The following SLC22A23 variants were observed in gnomAD, a reference collection of about 807,000 sequenced individuals.
SLC22A23 encodes the protein ion transporter protein.
SLC22A23 carries 26 observed loss-of-function variants against 61.0 expected under a neutral mutation model. The observed-to-expected ratio is 0.43, with a 90% CI of 0.31 to 0.59. SLC22A23 has a LOEUF of 0.59. Among genes scored for constraint, SLC22A23 ranks in the 20% least tolerant of loss-of-function variants. SLC22A23 has a pLI of 0.11. For synonymous variants in SLC22A23, 430 were observed against 413.9 expected (o/e 1.04, Z -0.47); for missense variants, 796 against 934.7 (o/e 0.85, Z 1.94).
At chr6:3,302,322 GTCTTTT>G (rs1761671482) in intron 4 of SLC22A23, among the ~76,000 whole-genome samples, 1 of 151,928 alleles carries the variant, frequency 6.6e-6, no homozygotes, top group Admixed American at 6.6e-5. Context: ...GGTCTTCTCT[GTCTTTT>G]TCTTAGTCTA....
chr6:3,352,901 GC>G (rs940499022), intron 3 of SLC22A23, among the ~76,000 whole-genome samples: 4 of 152,070 alleles, frequency 2.6e-5, no homozygotes, highest in African/African-American at 4.8e-5. Flanking sequence ...AAGATCAGTC[GC>G]CCCCGTGACC....
chr6:3,395,275 A>G (rs1042324011), intron 3 of SLC22A23, among the ~76,000 whole-genome samples: 3 of 152,210 alleles, frequency 2.0e-5, no homozygotes, highest in African/African-American at 7.2e-5. Flanking sequence ...CAAAGGCCAC[A>G]TGTCACCATG....
In SLC22A23 at chr6:3,456,003, G is replaced by T. The variant is rs1415242358; in HGVS notation, c.557C>A (p.Pro186Gln). Residue 186 changes from proline to glutamine, a missense_variant, in exon 1 of 10, where the codon CCA becomes CAA. Physicochemically the swap from Pro to Gln is moderately conservative, Grantham distance 76 (BLOSUM62 -1). Coordinates refer to ENST00000406686, the MANE Select transcript of SLC22A23 (RefSeq NM_015482.2). This position sits in a 1 kb window ranked among gnomAD's most constrained non-coding sequence, Gnocchi z 7.1. ...GTTGTCCCCCTTGTCCGGAGGGGATGGCAGGGGTGGTGTGTCGCCTCCGTC... is the reference window on the plus strand; with the variant it reads ...GTTGTCCCCCTTGTCCGGAGGGGATTGCAGGGGTGGTGTGTCGCCTCCGTC... ...GADGGDTPPL[P>Q]SPPDKGDNAS... 9 of 1,547,152 alleles carry T rather than the reference G, an allele frequency of 5.8e-6. No homozygotes were observed. The Admixed American group carries it at 1.6e-4, about 27-fold the overall frequency.
intron 9 of SLC22A23, among the ~76,000 whole-genome samples, chr6:3,279,537 T>A (rs1160041048): frequency 0.01 from 380 of 37,318 alleles, no homozygotes; most frequent in Non-Finnish European, 0.024. Context: ...AAAAAAAAAA[T>A]CCTTGACATC....
intron 1 of SLC22A23, among the ~76,000 whole-genome samples, chr6:3,421,352 C>G (rs1383839842): frequency 6.6e-6 from 1 of 152,158 alleles, no homozygotes; most frequent in Non-Finnish European, 1.5e-5. Context: ...GAGACACCCA[C>G]AGAGGTCTCT....
At chr6:3,290,037 A>T in intron 5 of SLC22A23, 171 bp from the exon 6 acceptor site, 1 of 647,464 alleles carries the variant, frequency 1.5e-6, no homozygotes, top group Admixed American at 2.7e-5. Flanking sequence ...CAGGATAGAA[A>T]GGCACTCATA....
At chr6:3,366,507 C>T (rs1344904890) in intron 3 of SLC22A23, among the ~76,000 whole-genome samples, 2 of 151,994 alleles carry the variant, frequency 1.3e-5, no homozygotes, top group Non-Finnish European at 2.9e-5. Context: ...TGGGTTAATA[C>T]AAGCTCAGTC....
At chr6:3,455,262 A>G (rs1772337599) in intron 1 of SLC22A23, among the ~76,000 whole-genome samples, 1 of 152,210 alleles carries the variant, frequency 6.6e-6, no homozygotes, top group South Asian at 2.1e-4. Context: ...CTGCTGTGTA[A>G]GAGCGGTGAC....
At chr6:3,395,745 A>G (rs1041172557) in intron 3 of SLC22A23, among the ~76,000 whole-genome samples, 7 of 152,210 alleles carry the variant, frequency 4.6e-5, no homozygotes, top group Non-Finnish European at 1.0e-4. Flanking sequence ...TACTGGCATT[A>G]CTCAAGTCAA....
At chr6:3,281,685 C>T (rs1341085742) in intron 9 of SLC22A23, among the ~76,000 whole-genome samples, 3 of 152,070 alleles carry the variant, frequency 2.0e-5, no homozygotes, top group African/African-American at 7.2e-5. Flanking sequence ...CTACTTCCAT[C>T]CTAGGGCCTC....
intron 3 of SLC22A23, among the ~76,000 whole-genome samples, chr6:3,400,657 T>G (rs980074251): frequency 2.6e-5 from 4 of 152,222 alleles, no homozygotes; most frequent in African/African-American, 9.6e-5. Context: ...AGTGGGGGGC[T>G]TGGCTTCCAA....
intron 9 of SLC22A23, 126 bp from the exon 10 acceptor site, chr6:3,273,538 C>G: frequency 1.0e-6 from 1 of 977,982 alleles, no homozygotes; most frequent in African/African-American, 1.6e-5. Flanking sequence ...GCCCAGTATA[C>G]CCCGACCTCA....
chr6:3,280,490 CTTTTTT>C (rs1163139930), intron 9 of SLC22A23, among the ~76,000 whole-genome samples: 6 of 57,292 alleles, frequency 1.0e-4, no homozygotes, highest in South Asian at 1.1e-3. Flanking sequence ...TAAGACACAA[CTTTTTT>C]TTTTTTTTTT....
chr6:3,272,115 G>GC lies in SLC22A23; in HGVS notation c.*939dup, dbSNP rs113074445. 18,470 of 152,374 alleles carry GC rather than the reference G, an allele frequency of 0.12. 3,119 individuals carry two copies. Among genetic ancestry groups the GC allele is most frequent in the African/African-American group, 0.38 (15,769 of 41,372 alleles). The allele number at this position is 152,374 out of a possible 1,614,324, so 9.4% of individuals were successfully genotyped here. On this transcript the variant is annotated 3_prime_UTR_variant, in exon 10 of 10. Transcript: ENST00000406686. Reference sequence around the variant, plus strand: ...GACGGGCGTGTGTGTGTGGAGGGCAGCCCCCCTTCTGTGGATTTGCCTCTG... The same window carrying GC: ...GACGGGCGTGTGTGTGTGGAGGGCAGCCCCCCCTTCTGTGGATTTGCCTCTG...
chr6:3,388,617 C>T (rs1767458487), intron 3 of SLC22A23, among the ~76,000 whole-genome samples: 1 of 152,124 alleles, frequency 6.6e-6, no homozygotes, highest in Non-Finnish European at 1.5e-5. Context: ...TTCATAGCAG[C>T]GTTATTCACA....
chr6:3,324,213 G>T lies in SLC22A23; in HGVS notation c.914-211C>A. 1 of 595,356 alleles carries T rather than the reference G, an allele frequency of 1.7e-6. No homozygotes were observed. The highest frequency in any genetic ancestry group is 3.0e-6 in the Non-Finnish European group (1 of 337,110). 36.9% of individuals were successfully genotyped at this position (595,356 alleles called of 1,614,324 possible). On this transcript the variant is annotated intron_variant, in intron 3 of 9. Coordinates refer to ENST00000406686, the MANE Select transcript of SLC22A23 (RefSeq NM_015482.2). This position sits in a 1 kb window ranked among gnomAD's most constrained non-coding sequence, Gnocchi z 4.3. ...AAGGGAAGTGAGACGGTTGTTCAAG[G>T]CCACAGGGCTAGTCGATGACGAAGG...
At chr6:3,319,690 C>T (rs1762839358) in intron 4 of SLC22A23, among the ~76,000 whole-genome samples, 1 of 152,144 alleles carries the variant, frequency 6.6e-6, no homozygotes, top group Non-Finnish European at 1.5e-5. Flanking sequence ...AGGTTTGGGC[C>T]CTCATAGTGG....
At chr6:3,397,414 C>T (rs1303332173) in intron 3 of SLC22A23, among the ~76,000 whole-genome samples, 7 of 152,162 alleles carry the variant, frequency 4.6e-5, no homozygotes, top group Non-Finnish European at 1.0e-4. Flanking sequence ...TCAGGGAAGA[C>T]GCAGTGTACA....
intron 4 of SLC22A23, among the ~76,000 whole-genome samples, chr6:3,314,870 A>G (rs1762547623): frequency 6.6e-6 from 1 of 152,048 alleles, no homozygotes; most frequent in African/African-American, 2.4e-5. Flanking sequence ...TTACCTCCTC[A>G]TGTGGGGAAT....
Sources: allele counts gnomAD v4.1 joint callset (sites outside exome capture counted in the v4.1 genomes callset), GRCh38; gene constraint gnomAD v4.1.1; non-coding constraint Gnocchi (gnomAD v3.1); transcripts MANE v1.5; gene names NCBI Gene and HGNC (gene_info 2026-07-23, HGNC 2026-07-21).